GPNMB: variants seen among roughly 807,000 people sequenced by gnomAD.
GPNMB encodes transmembrane glycoprotein NMB.
Under a neutral mutation model 57.3 loss-of-function variants are expected in GPNMB, and 71 were observed. The observed-to-expected ratio is 1.24, with a 90% CI of 1.02 to 1.51. The LOEUF is 1.51. Ranked by LOEUF, GPNMB falls within the 40% of genes most tolerant of loss-of-function variation. The pLI is 0.00. For synonymous variants in GPNMB, 253 were observed against 263.2 expected, an observed-to-expected ratio of 0.96 and a Z score of 0.38; for missense variants, 677 against 691.9, an observed-to-expected ratio of 0.98 and a Z score of 0.24.
At chr7:23,258,236 G>C (rs1320205308) in intron 4 of GPNMB, among the ~76,000 whole-genome samples, 3 of 152,186 alleles carry the variant, frequency 2.0e-5, no homozygotes, top group Non-Finnish European at 2.9e-5. Flanking sequence ...GCAGCCTCCA[G>C]ATTACTAAAT....
At chr7:23,266,913 A>G (rs1460435694) in intron 7 of GPNMB, among the ~76,000 whole-genome samples, 1 of 152,186 alleles carries the variant, frequency 6.6e-6, no homozygotes, top group East Asian at 1.9e-4. Flanking sequence ...TGGGGTATGT[A>G]GGGTAAAGGA....
intron 6 of GPNMB, 83 bp from the exon 7 acceptor site, chr7:23,266,434 A>G: frequency 6.9e-7 from 1 of 1,446,874 alleles, no homozygotes; most frequent in Non-Finnish European, 9.5e-7. Context: ...GCAAATGGCA[A>G]ATGTTTAGAT....
intron 9 of GPNMB, among the ~76,000 whole-genome samples, chr7:23,271,384 G>A (rs1193949744): frequency 2.0e-5 from 3 of 152,202 alleles, no homozygotes; most frequent in Non-Finnish European, 4.4e-5. Flanking sequence ...GTATTGTCAG[G>A]TACAATCTAA....
At chr7:23,272,253 T>C (rs1783225011) in intron 9 of GPNMB, among the ~76,000 whole-genome samples, 1 of 152,256 alleles carries the variant, frequency 6.6e-6, no homozygotes, top group African/African-American at 2.4e-5. Flanking sequence ...TTAGATGTTT[T>C]AGACATTTGC....
At chr7:23,259,850 G>C in intron 4 of GPNMB, 130 bp from the exon 5 acceptor site, 1 of 722,882 alleles carries the variant, frequency 1.4e-6, no homozygotes, top group Non-Finnish European at 2.3e-6. Context: ...TTCTGAAGCA[G>C]CACCACAGGC....
chr7:23,257,163 G>A (rs1562635572), intron 4 of GPNMB, 98 bp downstream of exon 4: 3 of 1,039,134 alleles, frequency 2.9e-6, no homozygotes, highest in Non-Finnish European at 4.6e-6. Flanking sequence ...AACACAGAGA[G>A]TTAATAACAG....
intron 1 of GPNMB, among the ~76,000 whole-genome samples, chr7:23,251,299 A>G (rs1333055730): frequency 6.6e-6 from 1 of 152,174 alleles, no homozygotes; most frequent in African/African-American, 2.4e-5. Flanking sequence ...CACCCACTCA[A>G]TACCACACCT....
intron 1 of GPNMB, among the ~76,000 whole-genome samples, chr7:23,248,318 C>T (rs1007801706): frequency 6.6e-6 from 1 of 152,120 alleles, no homozygotes; most frequent in Admixed American, 6.5e-5. Context: ...CGATGGGGGA[C>T]ACCTGCTATT....
intron 1 of GPNMB, among the ~76,000 whole-genome samples, chr7:23,249,142 G>GA (rs1488926745): frequency 6.6e-6 from 1 of 152,086 alleles, no homozygotes; most frequent in Non-Finnish European, 1.5e-5. Flanking sequence ...GGCTGGTCTG[G>GA]AACTCCTGGG....
intron 3 of GPNMB, among the ~76,000 whole-genome samples, chr7:23,255,739 T>C (rs1331215921): frequency 6.6e-6 from 1 of 152,168 alleles, no homozygotes; most frequent in Non-Finnish European, 1.5e-5. Flanking sequence ...TCAGCCATTT[T>C]TGATTAATTT....
intron 6 of GPNMB, among the ~76,000 whole-genome samples, chr7:23,264,587 G>A (rs937715308): frequency 6.6e-6 from 1 of 151,952 alleles, no homozygotes; most frequent in African/African-American, 2.4e-5. Flanking sequence ...ATGTTGCCCA[G>A]GTTGGTCTCG....
intron 9 of GPNMB, among the ~76,000 whole-genome samples, chr7:23,270,605 A>T (rs549963010): frequency 2.8e-4 from 42 of 152,342 alleles, no homozygotes; most frequent in African/African-American, 1.0e-3. Context: ...GAAGCCTGGA[A>T]GAGAAATGAG....
intron 8 of GPNMB, among the ~76,000 whole-genome samples, chr7:23,268,652 G>A (rs1783126699): frequency 6.6e-6 from 1 of 152,192 alleles, no homozygotes; most frequent in Admixed American, 6.5e-5. Context: ...TAAAATATAT[G>A]TGTGTGTAGA....
chr7:23,252,522 AT>A (rs1271937846), intron 1 of GPNMB, among the ~76,000 whole-genome samples: 3 of 152,248 alleles, frequency 2.0e-5, no homozygotes, highest in African/African-American at 7.2e-5. Context: ...AAGAGCATCA[AT>A]TCTTATTGAG....
chr7:23,253,172 A>C, intron 1 of GPNMB, 135 bp from the exon 2 acceptor site: 1 of 653,070 alleles, frequency 1.5e-6, no homozygotes, highest in African/African-American at 1.8e-5. Flanking sequence ...TTAAAAAACA[A>C]AGCACCCTCT....
intron 6 of GPNMB, among the ~76,000 whole-genome samples, chr7:23,263,735 GC>G (rs1478466099): frequency 6.6e-6 from 1 of 151,928 alleles, no homozygotes; most frequent in East Asian, 1.9e-4. Flanking sequence ...ACCCCAAAAT[GC>G]CTTAAACCAG....
chr7:23,260,550 C>T lies in GPNMB; in HGVS notation c.795C>T (p.Val265=), dbSNP rs1782893096. The change falls in exon 6 of 11, where the codon GTC becomes GTT. Residue 265 remains valine, a synonymous_variant. Coordinates refer to ENST00000258733, the MANE Select transcript of GPNMB (RefSeq NM_002510.3). ...AAGATCTCCCCATTATGTTTGATGTCCTGATTCATGATCCTAGCCACTTCC... is the reference window on the plus strand; with the variant it reads ...AAGATCTCCCCATTATGTTTGATGTTCTGATTCATGATCCTAGCCACTTCC... ...FLKDLPIMFD[V]LIHDPSHFLN... is the part of the protein sequence containing the mutation. The T allele has an allele frequency of 6.2e-7, 1 of 1,613,292 alleles. No individual in the cohort carries two copies. The highest frequency in any genetic ancestry group is 1.7e-5 in the Admixed American group (1 of 59,996).
At chr7:23,257,506 T>C (rs1782810129) in intron 4 of GPNMB, 1 of 199,400 alleles carries the variant, frequency 5.0e-6, no homozygotes, top group South Asian at 9.1e-5. Context: ...GTCCCGTCCC[T>C]ACTAAAAATA....
chr7:23,256,829 T>C, intron 3 of GPNMB, 63 bp from the exon 4 acceptor site: 1 of 1,324,716 alleles, frequency 7.5e-7, no homozygotes, highest in Non-Finnish European at 1.1e-6. Context: ...AATTCAGTGA[T>C]GCATGCACAT....
Sources: gnomAD v4.1 joint callset for allele counts (sites outside exome capture counted in the v4.1 genomes callset) on GRCh38, gnomAD v4.1.1 for gene constraint, MANE v1.5 for transcripts, NCBI Gene and HGNC (gene_info 2026-07-23, HGNC 2026-07-21) for gene names.